Variants in LRRC4C observed in about 807,000 individuals in gnomAD.
LRRC4C encodes the protein leucine-rich repeat-containing protein 4C.
LRRC4C carries 5 observed loss-of-function variants against 33.6 expected under a neutral mutation model. That is an observed-to-expected ratio of 0.15 (90% confidence interval 0.08 to 0.31). LRRC4C has a LOEUF of 0.31. Ranked by LOEUF, LRRC4C falls within the 10% of genes least tolerant of loss-of-function variation. The pLI is 1.00. For synonymous variants in LRRC4C, 329 were observed against 302.0 expected (o/e 1.09, Z -0.93); for missense variants, 560 against 796.7 (o/e 0.70, Z 3.58).
intron 4 of LRRC4C, among the ~76,000 whole-genome samples, chr11:40,294,752 G>C (rs902019515): frequency 3.3e-5 from 5 of 152,010 alleles, no homozygotes; most frequent in African/African-American, 1.2e-4. Flanking sequence ...GCTTGAACCC[G>C]GGAGACGGAG....
intron 1 of LRRC4C, among the ~76,000 whole-genome samples, chr11:41,069,656 C>G (rs1333442844): frequency 5.9e-5 from 9 of 151,940 alleles, no homozygotes; most frequent in Non-Finnish European, 2.9e-5. Flanking sequence ...ATGAATGAAC[C>G]CCCATTCACA....
Position 41,279,428 on chromosome 11 carries a change from A to ACACACCCCCC in LRRC4C, c.-496+180002_-496+180003insGGGGGGTGTG, listed in dbSNP as rs58139193. Among the ~76,000 whole-genome samples the ACACACCCCCC allele has an allele frequency of 4.2e-3, 594 of 140,874 alleles. 7 individuals are homozygous for ACACACCCCCC. The highest frequency in any genetic ancestry group is 0.012 in the East Asian group (55 of 4,634). 92.4% of individuals were successfully genotyped at this position (140,874 alleles called of 152,430 possible). A position where few individuals can be genotyped will look rare whatever the true frequency, so the allele number is the denominator to read the frequency against. On this transcript the variant is annotated intron_variant, in intron 1 of 6. Transcript: ENST00000528697. The stretch of plus-strand genomic sequence containing the variant: ...CACACACACACACACACACACACAC[A>ACACACCCCCC]CCGTGGCAATCACTGCCTGCAATGG...
chr11:40,586,189 C>A (rs1444574122), intron 3 of LRRC4C, among the ~76,000 whole-genome samples: 1 of 151,974 alleles, frequency 6.6e-6, no homozygotes, highest in Non-Finnish European at 1.5e-5. Flanking sequence ...GATGGTATCT[C>A]ATTGTGGTTT....
At chr11:41,183,083 C>T (rs1379502053) in intron 1 of LRRC4C, among the ~76,000 whole-genome samples, 1 of 152,026 alleles carries the variant, frequency 6.6e-6, no homozygotes, top group Non-Finnish European at 1.5e-5. Context: ...AATTACCTCC[C>T]ACTGGGTCCC....
chr11:41,327,932 T>C (rs1258481466), intron 1 of LRRC4C, among the ~76,000 whole-genome samples: 1 of 152,184 alleles, frequency 6.6e-6, no homozygotes, highest in African/African-American at 2.4e-5. Context: ...CTTTATAAAT[T>C]ACCCAGTCTC....
chr11:40,222,587 G>A (rs1864497820), intron 5 of LRRC4C, among the ~76,000 whole-genome samples: 1 of 152,040 alleles, frequency 6.6e-6, no homozygotes, highest in Non-Finnish European at 1.5e-5. Flanking sequence ...TCTACCTCTG[G>A]GCATTTTGGA....
At chr11:41,388,795 C>T (rs1953464524) in intron 1 of LRRC4C, among the ~76,000 whole-genome samples, 1 of 151,808 alleles carries the variant, frequency 6.6e-6, no homozygotes. Context: ...CCAGTTAGTG[C>T]CTTGATGAAA....
At chr11:40,667,808 G>A (rs910922533) in intron 2 of LRRC4C, among the ~76,000 whole-genome samples, 1 of 152,158 alleles carries the variant, frequency 6.6e-6, no homozygotes, top group African/African-American at 2.4e-5. Flanking sequence ...AGGCAGCCTG[G>A]CCAACCCCTT....
intron 3 of LRRC4C, among the ~76,000 whole-genome samples, chr11:40,336,098 T>C (rs1176884811): frequency 6.6e-6 from 1 of 152,194 alleles, no homozygotes; most frequent in Admixed American, 6.5e-5. Flanking sequence ...TAGAGTACTA[T>C]TTGCCAGACA....
intron 1 of LRRC4C, among the ~76,000 whole-genome samples, chr11:41,009,580 A>G (rs1855024032): frequency 6.6e-6 from 1 of 152,134 alleles, no homozygotes; most frequent in South Asian, 2.1e-4. Context: ...AAAAAAAATC[A>G]GAGAATCTGG....
intron 1 of LRRC4C, among the ~76,000 whole-genome samples, chr11:41,454,473 CTGG>C (rs1956119649): frequency 6.6e-6 from 1 of 152,052 alleles, no homozygotes; most frequent in Non-Finnish European, 1.5e-5. Flanking sequence ...GCGCTTGTTC[CTGG>C]TAGGTGCTTA....
intron 1 of LRRC4C, among the ~76,000 whole-genome samples, chr11:41,349,485 C>T (rs1286900659): frequency 6.6e-6 from 1 of 152,028 alleles, no homozygotes; most frequent in African/African-American, 2.4e-5. Flanking sequence ...AACAAAAAAA[C>T]AACAACAAAA....
chr11:40,989,849 C>A (rs552445341), intron 1 of LRRC4C, among the ~76,000 whole-genome samples: 1 of 151,808 alleles, frequency 6.6e-6, no homozygotes, highest in African/African-American at 2.4e-5. Flanking sequence ...ATTAAACCAA[C>A]TGCAGTTTAA....
At chr11:40,870,938 C>A (rs555701844) in intron 2 of LRRC4C, among the ~76,000 whole-genome samples, 32 of 152,292 alleles carry the variant, frequency 2.1e-4, no homozygotes, top group African/African-American at 7.7e-4. Context: ...AATTCTTTTT[C>A]TCAGCAAGGA....
chr11:41,138,065 C>G (rs1472770014), intron 1 of LRRC4C, among the ~76,000 whole-genome samples: 1 of 152,208 alleles, frequency 6.6e-6, no homozygotes, highest in Non-Finnish European at 1.5e-5. Flanking sequence ...ATCATTTTCA[C>G]TCATTCACTT....
chr11:40,377,905 TAA>T (rs1481704082), intron 3 of LRRC4C, among the ~76,000 whole-genome samples: 1 of 152,070 alleles, frequency 6.6e-6, no homozygotes, highest in Non-Finnish European at 1.5e-5. Flanking sequence ...CTAAACCTCT[TAA>T]AGTGCAGAAG....
chr11:40,411,935 T>C (rs755897149), intron 3 of LRRC4C, among the ~76,000 whole-genome samples: 1 of 152,028 alleles, frequency 6.6e-6, no homozygotes, highest in Non-Finnish European at 1.5e-5. Context: ...TCTAATACTG[T>C]TCTCATTTTG....
chr11:41,059,834 G>T (rs1255158390), intron 1 of LRRC4C, among the ~76,000 whole-genome samples: 1 of 152,118 alleles, frequency 6.6e-6, no homozygotes, highest in African/African-American at 2.4e-5. Context: ...AGACCATGCT[G>T]ACCAACATGG....
intron 3 of LRRC4C, among the ~76,000 whole-genome samples, chr11:40,485,114 A>C (rs1375448445): frequency 6.6e-6 from 1 of 152,050 alleles, no homozygotes; most frequent in Non-Finnish European, 1.5e-5. Flanking sequence ...GCTCAAAATC[A>C]CAAGGTGTAT....
Sources: gnomAD v4.1 joint callset for allele counts (sites outside exome capture counted in the v4.1 genomes callset) on GRCh38, gnomAD v4.1.1 for gene constraint, MANE v1.5 for transcripts, NCBI Gene and HGNC (gene_info 2026-07-23, HGNC 2026-07-21) for gene names.